Variants in RPGRIP1L observed in about 807,000 individuals in gnomAD.
The protein encoded by RPGRIP1L is RPGRIP1 like, also known as protein fantom.
A neutral mutation model predicts 160.4 loss-of-function variants in RPGRIP1L; 131 were observed. The observed-to-expected ratio is 0.82, with a 90% confidence interval of 0.71 to 0.94. RPGRIP1L has a LOEUF of 0.94. Among genes scored for constraint, RPGRIP1L ranks in the 40% least tolerant of loss-of-function variants. RPGRIP1L has a pLI of 0.00. For missense variants in RPGRIP1L, 1,522 were observed against 1,535.8 expected (o/e 0.99, Z 0.15); for synonymous variants, 510 against 515.8 (o/e 0.99, Z 0.15).
At chr16:53,605,759 A>G in intron 25 of RPGRIP1L, 145 bp from the exon 26 acceptor site, 2 of 791,710 alleles carry the variant, frequency 2.5e-6, no homozygotes, top group East Asian at 2.7e-5. Flanking sequence ...ACTAGGCTAG[A>G]TAAGTTATTA....
At chr16:53,607,120 C>T (rs181972079) in intron 25 of RPGRIP1L, among the ~76,000 whole-genome samples, 1 of 143,658 alleles carries the variant, frequency 7.0e-6, no homozygotes, top group Admixed American at 6.8e-5. Flanking sequence ...TACTGCTTAG[C>T]TGTGTGACCT....
Position 53,695,336 on chromosome 16 carries a change from A to G in RPGRIP1L, c.230+815T>C, listed in dbSNP as rs1414502476. The G allele has an allele frequency of 7.1e-6, 5 of 702,850 alleles. No individual in the cohort carries two copies. In the Admixed American group the frequency reaches 8.0e-5, roughly 11 times the overall value. 43.5% of individuals were successfully genotyped at this position (702,850 alleles called of 1,614,324 possible). A position where few individuals can be genotyped will look rare whatever the true frequency, so the allele number is the denominator to read the frequency against. On this transcript the variant is annotated intron_variant, in intron 3 of 26. Transcript: ENST00000647211. ...TCAAAGTAAAAGGCCTGCACATAGC[A>G]TGCCAGTGGGTTGTTGAAGTCCACA...
intron 6 of RPGRIP1L, among the ~76,000 whole-genome samples, chr16:53,682,487 T>C (rs1969682975): frequency 6.6e-6 from 1 of 152,188 alleles, no homozygotes; most frequent in African/African-American, 2.4e-5. Context: ...GACTTTTGGG[T>C]TTCCCTTTCA....
chr16:53,628,964 A>AT (rs1965340042), intron 22 of RPGRIP1L: 1 of 151,840 alleles, frequency 6.6e-6, no homozygotes, highest in South Asian at 2.1e-4. Context: ...AATTGGTATT[A>AT]TTTCATCACC....
intron 15 of RPGRIP1L, among the ~76,000 whole-genome samples, chr16:53,651,639 T>C (rs1966854432): frequency 6.6e-6 from 1 of 152,156 alleles, no homozygotes; most frequent in Non-Finnish European, 1.5e-5. Flanking sequence ...GATCCTGGCA[T>C]GGATCTTCAT....
chr16:53,671,547 C>G lies in RPGRIP1L; in HGVS notation c.1066G>C (p.Glu356Gln). 6.3e-7 allele frequency: 1 copy of G among 1,575,630 alleles called. No individual in the cohort carries two copies. Among genetic ancestry groups the G allele is most frequent in the Non-Finnish European group, 8.7e-7 (1 of 1,147,128 alleles). Residue 356 changes from glutamate (E) to glutamine (Q), a missense_variant, in exon 9 of 27, where the codon GAA (glutamate) becomes CAA (glutamine). Coordinates refer to ENST00000647211, the MANE Select transcript of RPGRIP1L (RefSeq NM_015272.5). ...DRINDLEKER[E>Q]LLKENYDKLY... ...TTATCATAGTTTTCCTTTAAAAGTT[C>G]CCGTTCCTTTTCTAAATCATTAATT... is the stretch of plus-strand genomic sequence containing the variant.
At chr16:53,685,851 G>T (rs1969969101) in intron 6 of RPGRIP1L, among the ~76,000 whole-genome samples, 1 of 152,118 alleles carries the variant, frequency 6.6e-6, no homozygotes, top group African/African-American at 2.4e-5. Flanking sequence ...TCCTGTACAT[G>T]TACCCCTGAA....
Position 53,605,536 on chromosome 16 carries a change from G to A in RPGRIP1L, c.3780C>T (p.Val1260=), listed in dbSNP as rs144924117. Residue 1260 remains valine, a synonymous_variant, in exon 26 of 27, where the codon GTC becomes GTT. Coordinates refer to ENST00000647211, the MANE Select transcript of RPGRIP1L (RefSeq NM_015272.5). ...LECEDIGVAH[V]DLADMFQEGR... ...CTTCCTGAAACATGTCGGCAAGGTCGACGTGAGCCACGCCAATGTCCTCAC... is the reference window on the plus strand; with the variant it reads ...CTTCCTGAAACATGTCGGCAAGGTCAACGTGAGCCACGCCAATGTCCTCAC... 728 of 1,614,086 alleles carry A rather than the reference G, an allele frequency of 4.5e-4. No homozygotes were observed. Among genetic ancestry groups the A allele is most frequent in the Non-Finnish European group, 5.7e-4 (672 of 1,179,980 alleles).
At chr16:53,671,714 C>T in intron 8 of RPGRIP1L, 131 bp from the exon 9 acceptor site, 1 of 558,504 alleles carries the variant, frequency 1.8e-6, no homozygotes, top group Non-Finnish European at 3.1e-6. Context: ...ATGGTAGCTG[C>T]TAACCAGACC....
chr16:53,648,577 A>G (rs539535712), intron 16 of RPGRIP1L, among the ~76,000 whole-genome samples: 2 of 152,050 alleles, frequency 1.3e-5, no homozygotes, highest in East Asian at 3.9e-4. Context: ...CATGTGATAA[A>G]ACTGCAAAGA....
chr16:53,658,864 G>A lies in RPGRIP1L; in HGVS notation c.1258C>T (p.Leu420Phe), dbSNP rs1967511576. Residue 420 changes from leucine (L) to phenylalanine (F), a missense_variant, in exon 11 of 27, where the codon CTC becomes TTC. Physicochemically the swap from Leu to Phe is conservative, Grantham distance 22. Coordinates refer to ENST00000647211, the MANE Select transcript of RPGRIP1L (RefSeq NM_015272.5). ...LKTERDQNEKLVQENRELQLQ... is the reference protein window; with the variant it reads ...LKTERDQNEKFVQENRELQLQ... ...TGTAGTTCTCTATTCTCTTGAACGAGTTTTTCATTTTGATCTTAAAAATAA... is the reference window on the plus strand; with the variant it reads ...TGTAGTTCTCTATTCTCTTGAACGAATTTTTCATTTTGATCTTAAAAATAA... The A allele has an allele frequency of 6.3e-7, 1 of 1,597,622 alleles. No homozygotes were observed.
chr16:53,607,050 T>C (rs945076068), intron 25 of RPGRIP1L, among the ~76,000 whole-genome samples: 3 of 152,188 alleles, frequency 2.0e-5, no homozygotes, highest in African/African-American at 4.8e-5. Context: ...ATGTATAAGA[T>C]GGAGGGATTA....
chr16:53,685,677 G>A (rs994117294), intron 6 of RPGRIP1L, among the ~76,000 whole-genome samples: 1 of 151,990 alleles, frequency 6.6e-6, no homozygotes, highest in Non-Finnish European at 1.5e-5. Context: ...CACATAGGGT[G>A]GGGGGAACAA....
At chr16:53,602,881 A>G (rs1337759890) in intron 26 of RPGRIP1L, among the ~76,000 whole-genome samples, 3 of 152,226 alleles carry the variant, frequency 2.0e-5, no homozygotes, top group African/African-American at 7.2e-5. Flanking sequence ...CAGATGTTAC[A>G]TGATCATAGC....
chr16:53,625,707 G>A (rs1379487417), intron 22 of RPGRIP1L, among the ~76,000 whole-genome samples: 1 of 152,174 alleles, frequency 6.6e-6, no homozygotes, highest in Non-Finnish European at 1.5e-5. Context: ...AGAAAAGGGG[G>A]AAATGTGGGG....
chr16:53,656,689 GTAGGAGC>G, intron 13 of RPGRIP1L, 100 bp from the exon 14 acceptor site: 1 of 886,944 alleles, frequency 1.1e-6, no homozygotes, highest in East Asian at 2.5e-5. Context: ...CCTGGAAATA[GTAGGAGC>G]TATGAACCAT....
intron 22 of RPGRIP1L, among the ~76,000 whole-genome samples, chr16:53,625,510 T>A (rs1965068960): frequency 7.7e-6 from 1 of 130,438 alleles, no homozygotes; most frequent in Admixed American, 7.4e-5. Context: ...GGCCGCCCCG[T>A]CTAGGGGGTG....
At position 53,626,294 on chromosome 16, in the gene RPGRIP1L, G is replaced by C. The variant is rs373700249; in HGVS notation, c.3295-3938C>G. On this transcript the variant is annotated intron_variant, in intron 22 of 26. Transcript: ENST00000647211. ...ATAATAATTGTTCAGAATTACTAGAGCAACATGACCGGTCATTCCTCTGCA... is the reference window on the plus strand; with the variant it reads ...ATAATAATTGTTCAGAATTACTAGACCAACATGACCGGTCATTCCTCTGCA... Among the ~76,000 whole-genome samples, 23 of 152,160 alleles carry C rather than the reference G, an allele frequency of 1.5e-4. No homozygotes were observed. In the South Asian group the frequency reaches 4.8e-3, roughly 32 times the overall value.
At chr16:53,608,759 T>C (rs908764044) in intron 25 of RPGRIP1L, among the ~76,000 whole-genome samples, 1 of 152,208 alleles carries the variant, frequency 6.6e-6, no homozygotes, top group Admixed American at 6.5e-5. Flanking sequence ...CTTTAAATAA[T>C]GTGACCTCTG....
Sources: gnomAD v4.1 joint callset for allele counts (sites outside exome capture counted in the v4.1 genomes callset) on GRCh38, gnomAD v4.1.1 for gene constraint, MANE v1.5 for transcripts, NCBI Gene and HGNC (gene_info 2026-07-23, HGNC 2026-07-21) for gene names.